Variants in PSD3 observed in about 807,000 individuals in gnomAD.
The protein encoded by PSD3 is pleckstrin and Sec7 domain containing 3.
A neutral mutation model predicts 105.5 loss-of-function variants in PSD3; 49 were observed. The ratio of observed to expected loss-of-function variants is 0.46; its 90% confidence interval spans 0.37 to 0.59. PSD3 has a LOEUF of 0.59. Ranked by LOEUF, PSD3 falls within the 20% of genes least tolerant of loss-of-function variation. The probability of loss-of-function intolerance (pLI) is 0.00; values close to 1 mark genes in which losing one functional copy is unlikely to be tolerated. For missense variants in PSD3, 1,561 were observed against 1,263.8 expected, an observed-to-expected ratio of 1.24 and a Z score of -3.57; for synonymous variants, 557 against 457.8, an observed-to-expected ratio of 1.22 and a Z score of -2.77.
intron 1 of PSD3, among the ~76,000 whole-genome samples, chr8:19,078,631 A>AC (rs1374618645): frequency 6.6e-6 from 1 of 151,580 alleles, no homozygotes; most frequent in Non-Finnish European, 1.5e-5. Context: ...GGATCTCAGC[A>AC]CCCCTGTTAG....
chr8:18,898,577 A>C (rs1391150157), intron 2 of PSD3, among the ~76,000 whole-genome samples: 1 of 152,196 alleles, frequency 6.6e-6, no homozygotes, highest in African/African-American at 2.4e-5. Flanking sequence ...CCAAAAACTT[A>C]GCTACTAACA....
Position 18,951,969 on chromosome 8 carries a change from C to T in PSD3, c.22-15827G>A, listed in dbSNP as rs374284970. 2.4e-4 allele frequency among the ~76,000 whole-genome samples: 36 copies of T among 152,054 alleles called. No individual in the cohort carries two copies. In the South Asian group the frequency reaches 3.3e-3, roughly 14 times the overall value. ...GGGCAACAAGAGCAAAACTCTGTCTCAAAAAAGAAAAACAAACAAACAAAC... is the reference window on the plus strand; with the variant it reads ...GGGCAACAAGAGCAAAACTCTGTCTTAAAAAAGAAAAACAAACAAACAAAC... On this transcript the variant is annotated intron_variant, in intron 1 of 15. Transcript: ENST00000327040.
intron 10 of PSD3, among the ~76,000 whole-genome samples, chr8:18,644,449 T>C (rs1042696913): frequency 2.0e-5 from 3 of 152,228 alleles, no homozygotes; most frequent in Non-Finnish European, 2.9e-5. Flanking sequence ...TTCAGCCAAG[T>C]TCTCTGTGAC....
intron 1 of PSD3, among the ~76,000 whole-genome samples, chr8:18,955,330 T>A (rs138867273): frequency 2.0e-5 from 3 of 152,258 alleles, no homozygotes; most frequent in African/African-American, 7.2e-5. Flanking sequence ...AGCCTTGAAC[T>A]CCAGGACTCA....
At chr8:18,941,988 TTTAA>T (rs549466862) in intron 1 of PSD3, among the ~76,000 whole-genome samples, 78 of 152,270 alleles carry the variant, frequency 5.1e-4, no homozygotes, top group African/African-American at 1.8e-3. Flanking sequence ...GAATGATTCT[TTTAA>T]TTAATTGTTT....
In PSD3 at chr8:18,688,880, C is replaced by G. The variant is rs1335080005; in HGVS notation, c.2173-33195G>C. 2.6e-5 allele frequency among the ~76,000 whole-genome samples: 4 copies of G among 152,352 alleles called. No individual in the cohort carries two copies. The East Asian group carries it at 5.8e-4, about 22-fold the overall frequency. On this transcript the variant is annotated intron_variant, in intron 9 of 15. Coordinates refer to ENST00000327040, the MANE Select transcript of PSD3 (RefSeq NM_015310.4). ...TAAAAGCAGGCTTCCTGGAGAGAAGCAGCTGTTTAAAGGTACAAAATAACT... is the reference window on the plus strand; with the variant it reads ...TAAAAGCAGGCTTCCTGGAGAGAAGGAGCTGTTTAAAGGTACAAAATAACT...
intron 2 of PSD3, among the ~76,000 whole-genome samples, chr8:18,921,574 G>A (rs764002959): frequency 2.6e-5 from 4 of 152,148 alleles, no homozygotes; most frequent in Non-Finnish European, 5.9e-5. Flanking sequence ...GTGGTCACGG[G>A]GAGTCTCTTT....
chr8:18,889,381 CT>C (rs1818643071), intron 2 of PSD3, among the ~76,000 whole-genome samples: 1 of 152,084 alleles, frequency 6.6e-6, no homozygotes, highest in Admixed American at 6.5e-5. Flanking sequence ...GAAAACACCC[CT>C]GTGCGAGCGT....
At chr8:18,862,052 G>A (rs1816493890) in intron 4 of PSD3, among the ~76,000 whole-genome samples, 1 of 152,154 alleles carries the variant, frequency 6.6e-6, no homozygotes, top group Non-Finnish European at 1.5e-5. Flanking sequence ...TGGCCGAGTG[G>A]CAGAATAACT....
chr8:18,787,762 G>C (rs1235141415), intron 8 of PSD3, among the ~76,000 whole-genome samples: 1 of 152,132 alleles, frequency 6.6e-6, no homozygotes, highest in Non-Finnish European at 1.5e-5. Context: ...ATGCCCTTTA[G>C]AGCAAAGTTC....
At chr8:18,986,447 G>A (rs1006605287) in intron 1 of PSD3, among the ~76,000 whole-genome samples, 4 of 151,274 alleles carry the variant, frequency 2.6e-5, no homozygotes, top group African/African-American at 7.3e-5. Context: ...TTTTGTATCC[G>A]AAAGATACAC....
At chr8:18,665,356 A>G (rs976712608) in intron 9 of PSD3, among the ~76,000 whole-genome samples, 2 of 152,250 alleles carry the variant, frequency 1.3e-5, no homozygotes, top group Non-Finnish European at 2.9e-5. Context: ...TCAGCAGAGG[A>G]AGTCACTGCA....
At chr8:18,852,737 C>T (rs931704289) in intron 4 of PSD3, among the ~76,000 whole-genome samples, 1 of 152,152 alleles carries the variant, frequency 6.6e-6, no homozygotes, top group Admixed American at 6.5e-5. Context: ...TGTGAGCTTG[C>T]CCACAACTTC....
intron 4 of PSD3, among the ~76,000 whole-genome samples, chr8:18,830,709 A>G (rs914910945): frequency 1.3e-5 from 2 of 152,182 alleles, no homozygotes; most frequent in African/African-American, 4.8e-5. Flanking sequence ...GCATAACCCG[A>G]ACTCCACCCC....
chr8:18,623,364 C>A (rs529286635), intron 11 of PSD3, among the ~76,000 whole-genome samples: 2 of 147,322 alleles, frequency 1.4e-5, no homozygotes, highest in Non-Finnish European at 3.0e-5. Flanking sequence ...GTAATCCCAG[C>A]GCTCTGGGAA....
At chr8:18,608,848 C>T (rs1381411963) in intron 11 of PSD3, among the ~76,000 whole-genome samples, 2 of 152,100 alleles carry the variant, frequency 1.3e-5, no homozygotes, top group African/African-American at 4.8e-5. Flanking sequence ...AACTTTTCTT[C>T]TCAACTGAAC....
intron 9 of PSD3, among the ~76,000 whole-genome samples, chr8:18,658,610 A>G (rs1809076872): frequency 6.6e-6 from 1 of 151,584 alleles, no homozygotes; most frequent in Non-Finnish European, 1.5e-5. Context: ...GCAGCCTCAA[A>G]ATCCTGGGCT....
At chr8:18,579,317 C>T (rs1011403742) in intron 12 of PSD3, among the ~76,000 whole-genome samples, 2 of 152,086 alleles carry the variant, frequency 1.3e-5, no homozygotes, top group Non-Finnish European at 2.9e-5. Context: ...CCATTTCAAA[C>T]CAAGGACTAT....
chr8:18,954,744 T>C (rs370876705), intron 1 of PSD3, among the ~76,000 whole-genome samples: 3 of 152,148 alleles, frequency 2.0e-5, no homozygotes, highest in Non-Finnish European at 4.4e-5. Flanking sequence ...AAATATTCTG[T>C]TTTCGCAGGC....
Sources: gnomAD v4.1 joint callset for allele counts (sites outside exome capture counted in the v4.1 genomes callset) on GRCh38, gnomAD v4.1.1 for gene constraint, MANE v1.5 for transcripts, NCBI Gene and HGNC (gene_info 2026-07-23, HGNC 2026-07-21) for gene names.